NAA11: variants seen among roughly 807,000 people sequenced by gnomAD.
NAA11 encodes the protein N-alpha-acetyltransferase 11.
Under a neutral mutation model 16.1 loss-of-function variants are expected in NAA11, and 15 were observed. The observed-to-expected ratio is 0.93, with a 90% CI of 0.62 to 1.44. NAA11 has a LOEUF of 1.44. Ranked by LOEUF, NAA11 falls within the 40% of genes most tolerant of loss-of-function variation. NAA11 has a pLI of 0.00. For synonymous variants in NAA11, 122 were observed against 112.4 expected (o/e 1.09, Z -0.54); for missense variants, 298 against 291.3 (o/e 1.02, Z -0.17).
the NAA11 span, among the ~76,000 whole-genome samples, chr4:79,191,056 A>T: frequency 6.6e-6 from 1 of 152,108 alleles, no homozygotes; most frequent in South Asian, 2.1e-4. Context: ...CCATATTTTT[A>T]AAATCCAATC....
At chr4:79,268,797 C>A (rs936035114) in intron 2 of NAA11, among the ~76,000 whole-genome samples, 2 of 151,204 alleles carry the variant, frequency 1.3e-5, no homozygotes, top group Non-Finnish European at 2.9e-5. Flanking sequence ...GTGCGCTGCA[C>A]CCACTAACTC....
chr4:79,180,631 G>T, the NAA11 span, among the ~76,000 whole-genome samples: 95,155 of 151,806 alleles, frequency 0.63, 32,893 homozygotes, highest in East Asian at 0.89. Flanking sequence ...CACTGTTGGT[G>T]GGACTGTAAA....
intron 2 of NAA11, among the ~76,000 whole-genome samples, chr4:79,240,723 CT>C (rs1227821087): frequency 6.6e-6 from 1 of 152,036 alleles, no homozygotes; most frequent in African/African-American, 2.4e-5. Context: ...GTTACTTTTT[CT>C]GGTTGGAATG....
At chr4:79,291,188 G>A (rs901408548) in intron 2 of NAA11, among the ~76,000 whole-genome samples, 1 of 152,146 alleles carries the variant, frequency 6.6e-6, no homozygotes, top group African/African-American at 2.4e-5. Context: ...TGGGCCAGGT[G>A]CAGTGGTTTA....
chr4:79,245,167 G>A (rs1232914799), intron 2 of NAA11: 5 of 155,564 alleles, frequency 3.2e-5, no homozygotes, highest in Admixed American at 6.7e-5. Flanking sequence ...CCGCCATCCC[G>A]TCTAGGAAGT....
the NAA11 span, among the ~76,000 whole-genome samples, chr4:79,207,871 G>A: frequency 6.6e-6 from 1 of 151,972 alleles, no homozygotes; most frequent in Non-Finnish European, 1.5e-5. Flanking sequence ...GTCTTCTATG[G>A]GGTGGATGAT....
At chr4:79,186,622 A>G in the NAA11 span, among the ~76,000 whole-genome samples, 1 of 152,242 alleles carries the variant, frequency 6.6e-6, no homozygotes. Flanking sequence ...AAAAAAGCAC[A>G]TTCTCAGCTG....
intron 1 of NAA11, among the ~76,000 whole-genome samples, chr4:79,305,911 C>T (rs1723567289): frequency 6.6e-6 from 1 of 152,182 alleles, no homozygotes; most frequent in Non-Finnish European, 1.5e-5. Context: ...GCCTATCCTA[C>T]TTACATGTCT....
chr4:79,216,042 T>C, the NAA11 span, among the ~76,000 whole-genome samples: 7 of 152,176 alleles, frequency 4.6e-5, no homozygotes, highest in African/African-American at 1.7e-4. Flanking sequence ...CTCTGTTCTA[T>C]TCTTTATAAT....
downstream of NAA11, among the ~76,000 whole-genome samples, chr4:79,315,944 T>C (rs1388876780): frequency 6.6e-6 from 1 of 152,200 alleles, no homozygotes; most frequent in Non-Finnish European, 1.5e-5. Context: ...AAAGAAGATA[T>C]AATGATAACA....
At chr4:79,246,336 T>TA (rs777866130) in intron 2 of NAA11, among the ~76,000 whole-genome samples, 1,580 of 124,606 alleles carry the variant, frequency 0.013, 18 homozygotes, top group Non-Finnish European at 0.018. Flanking sequence ...CCCTGCCAAA[T>TA]CCCTCTCTCC....
At chr4:79,241,469 G>A (rs1434963931) in intron 2 of NAA11, among the ~76,000 whole-genome samples, 2 of 148,496 alleles carry the variant, frequency 1.3e-5, no homozygotes, top group Non-Finnish European at 3.0e-5. Context: ...GTTGTTCAAA[G>A]GTCAACTGTA....
At chr4:79,195,442 G>A in the NAA11 span, among the ~76,000 whole-genome samples, 1 of 152,030 alleles carries the variant, frequency 6.6e-6, no homozygotes, top group Non-Finnish European at 1.5e-5. Flanking sequence ...GAAGACCACT[G>A]GTGAGCTGAT....
Position 79,321,796 on chromosome 4 carries a change from A to C in NAA11, c.*12+3380T>G, listed in dbSNP as rs57027080. 1.3e-3 allele frequency among the ~76,000 whole-genome samples: 205 copies of C among 152,350 alleles called. 5 individuals carry two copies. The East Asian group carries it at 0.037, about 28-fold the overall frequency. On this transcript the variant is annotated intron_variant, in intron 1 of 1. Transcript: ENST00000286794. ...TTATTAGGCTATTCAATATGCTAAC[A>C]CAAAGCACATATATTACAACAAAAG...
At chr4:79,220,148 A>G in the NAA11 span, among the ~76,000 whole-genome samples, 1 of 152,224 alleles carries the variant, frequency 6.6e-6, no homozygotes, top group Admixed American at 6.5e-5. Context: ...ACTGGAATGC[A>G]GTGGCACGAT....
chr4:79,171,755 T>G, the NAA11 span, among the ~76,000 whole-genome samples: 1 of 152,190 alleles, frequency 6.6e-6, no homozygotes, highest in Non-Finnish European at 1.5e-5. Context: ...CAATATTTAA[T>G]CTTAGGTTGC....
At chr4:79,256,645 A>ATATAAATATATAT (rs1722112473) in intron 2 of NAA11, among the ~76,000 whole-genome samples, 1 of 75,536 alleles carries the variant, frequency 1.3e-5, no homozygotes, top group African/African-American at 4.5e-5. Flanking sequence ...TATATATATA[A>ATATAAATATATAT]ATATAAATAT....
chr4:79,200,529 T>C, the NAA11 span, among the ~76,000 whole-genome samples: 96 of 151,850 alleles, frequency 6.3e-4, no homozygotes, highest in East Asian at 0.016. Context: ...TCTGCCTTCC[T>C]GAAAGAAGTG....
At chr4:79,192,988 G>A in the NAA11 span, among the ~76,000 whole-genome samples, 10 of 152,108 alleles carry the variant, frequency 6.6e-5, no homozygotes, top group Admixed American at 5.9e-4. Context: ...GTGATGATGA[G>A]CATTTTTTCA....
Sources: gnomAD v4.1 joint callset for allele counts (sites outside exome capture counted in the v4.1 genomes callset) on GRCh38, gnomAD v4.1.1 for gene constraint, MANE v1.5 for transcripts, NCBI Gene and HGNC (gene_info 2026-07-23, HGNC 2026-07-21) for gene names.